RAD23B: variants seen among roughly 807,000 people sequenced by gnomAD.
The protein encoded by RAD23B is lysine-specific demethylase RAD23B.
In RAD23B, 5 loss-of-function variants were observed where a neutral mutation model predicts 49.1. The observed-to-expected ratio is 0.10, with a 90% CI of 0.05 to 0.21. RAD23B has a LOEUF of 0.21. Among genes scored for constraint, RAD23B ranks in the 10% least tolerant of loss-of-function variants. The pLI is 1.00. For missense variants in RAD23B, 356 were observed against 486.7 expected (o/e 0.73, Z 2.53); for synonymous variants, 184 against 165.4 (o/e 1.11, Z -0.86).
At chr9:107,284,058 G>C (rs897011141) in intron 1 of RAD23B, 1 of 1,023,472 alleles carries the variant, frequency 9.8e-7, no homozygotes, top group African/African-American at 1.7e-5. Flanking sequence ...GCACAGGTGG[G>C]GGAGGGAGAC....
intron 1 of RAD23B, among the ~76,000 whole-genome samples, chr9:107,299,038 T>C (rs1443524530): frequency 6.6e-6 from 1 of 152,086 alleles, no homozygotes; most frequent in Admixed American, 6.6e-5. Flanking sequence ...TCATAAGGGG[T>C]GGTAACCTCT....
At chr9:107,294,290 T>A (rs560912543) in intron 1 of RAD23B, among the ~76,000 whole-genome samples, 4 of 152,356 alleles carry the variant, frequency 2.6e-5, no homozygotes, top group Non-Finnish European at 4.4e-5. Flanking sequence ...ATGTTTGATT[T>A]CTTGAATGTT....
intron 7 of RAD23B, 145 bp from the exon 8 acceptor site, chr9:107,323,745 T>G (rs1446187896): frequency 1.2e-6 from 1 of 816,834 alleles, no homozygotes; most frequent in East Asian, 2.7e-5. Flanking sequence ...GTTGGAAGAT[T>G]TCATCATTAT....
At chr9:107,310,297 G>A (rs1826866694) in intron 4 of RAD23B, among the ~76,000 whole-genome samples, 1 of 151,984 alleles carries the variant, frequency 6.6e-6, no homozygotes, top group African/African-American at 2.4e-5. Flanking sequence ...CAAAAGAATA[G>A]TCTTCACTGT....
At chr9:107,298,763 G>A (rs1826587397) in intron 1 of RAD23B, among the ~76,000 whole-genome samples, 1 of 151,128 alleles carries the variant, frequency 6.6e-6, no homozygotes, top group Admixed American at 6.6e-5. Flanking sequence ...ATAACTATCT[G>A]CCAAAACAAC....
chr9:107,289,474 G>A (rs1218282879), intron 1 of RAD23B, among the ~76,000 whole-genome samples: 1 of 152,048 alleles, frequency 6.6e-6, no homozygotes, highest in Admixed American at 6.6e-5. Flanking sequence ...GCATGAGCCA[G>A]CACACCTAGC....
chr9:107,314,546 T>TAC (rs764496878), intron 5 of RAD23B, among the ~76,000 whole-genome samples: 63 of 152,262 alleles, frequency 4.1e-4, no homozygotes, highest in Middle Eastern at 3.4e-3. Context: ...TGAGTATTAT[T>TAC]ACACACACAC....
At chr9:107,310,447 G>T (rs1338128543) in intron 4 of RAD23B, among the ~76,000 whole-genome samples, 1 of 152,108 alleles carries the variant, frequency 6.6e-6, no homozygotes, top group Non-Finnish European at 1.5e-5. Flanking sequence ...CTTTTAAATG[G>T]AATACTGTGC....
chr9:107,303,073 A>G (rs1333900627), intron 3 of RAD23B, among the ~76,000 whole-genome samples: 1 of 152,196 alleles, frequency 6.6e-6, no homozygotes, highest in Non-Finnish European at 1.5e-5. Flanking sequence ...TTAAGAGACT[A>G]TTTATATACT....
At chr9:107,308,956 T>G (rs1458153927) in intron 4 of RAD23B, among the ~76,000 whole-genome samples, 1 of 152,256 alleles carries the variant, frequency 6.6e-6, no homozygotes, top group East Asian at 1.9e-4. Context: ...ATTTGTTTCT[T>G]TAGGTCAATT....
Position 107,321,875 on chromosome 9 carries a change from T to C in RAD23B, c.682-108T>C, listed in dbSNP as rs183605318. On this transcript the variant is annotated intron_variant, in intron 6 of 9. Transcript: ENST00000358015. ...TTAATTGAAGCAGACATCTGTTTGA[T>C]GCTTTTGAAAATCAAACAAGATGTT... is the stretch of plus-strand genomic sequence containing the variant. 133 of 1,184,876 alleles carry C rather than the reference T, an allele frequency of 1.1e-4. 1 individual carries two copies. Among genetic ancestry groups the C allele is most frequent in the Non-Finnish European group, 6.4e-5 (57 of 886,748 alleles). 73.4% of individuals were successfully genotyped at this position (1,184,876 alleles called of 1,614,324 possible).
chr9:107,293,466 A>G (rs1255837680), intron 1 of RAD23B, among the ~76,000 whole-genome samples: 3 of 152,212 alleles, frequency 2.0e-5, no homozygotes, highest in South Asian at 2.1e-4. Context: ...CATAGCCTGC[A>G]TTAGCTTTTA....
rs187746386 is a variant in RAD23B, at chr9:107,332,112, G to T, written c.*2456G>T. The T allele has an allele frequency of 9.6e-4, 203 of 210,902 alleles. 2 individuals are homozygous for T. The highest frequency in any genetic ancestry group is 4.4e-3 in the African/African-American group (194 of 43,934). 13.1% of individuals were successfully genotyped at this position (210,902 alleles called of 1,614,324 possible). ...TTTTTTTTCATTGTTTAAAAATACG[G>T]AAGTGTTCCAATATAATTTTTTCCT... On this transcript the variant is annotated 3_prime_UTR_variant, in exon 10 of 10. Transcript: ENST00000358015.
intron 5 of RAD23B, among the ~76,000 whole-genome samples, chr9:107,316,989 A>G (rs1827010839): frequency 6.6e-6 from 1 of 152,160 alleles, no homozygotes; most frequent in East Asian, 1.9e-4. Context: ...GGGGCAGGAA[A>G]AGGTGTGGCC....
At chr9:107,320,792 G>T (rs1827094710) in intron 6 of RAD23B, among the ~76,000 whole-genome samples, 3 of 152,188 alleles carry the variant, frequency 2.0e-5, no homozygotes, top group Admixed American at 2.0e-4. Flanking sequence ...TTAAATAACT[G>T]CCCATCTGAG....
chr9:107,283,901 C>T (rs1214854904), intron 1 of RAD23B, among the ~76,000 whole-genome samples: 2 of 152,264 alleles, frequency 1.3e-5, no homozygotes, highest in African/African-American at 4.8e-5. Context: ...AATGGGGAAG[C>T]AGTGGCCGGA....
chr9:107,307,791 C>G (rs1826808791), intron 4 of RAD23B, among the ~76,000 whole-genome samples: 1 of 152,140 alleles, frequency 6.6e-6, no homozygotes, highest in African/African-American at 2.4e-5. Context: ...ATAATTGATT[C>G]CCTAAGAAGA....
chr9:107,321,831 G>A (rs1277578802), intron 6 of RAD23B, 152 bp from the exon 7 acceptor site: 1 of 905,734 alleles, frequency 1.1e-6, no homozygotes, highest in Non-Finnish European at 1.6e-6. Context: ...AATCCATGCA[G>A]CTTAATAATC....
chr9:107,311,641 T>A (rs561535881), intron 4 of RAD23B, 41 bp from the exon 5 acceptor site: 2 of 1,419,566 alleles, frequency 1.4e-6, no homozygotes, highest in South Asian at 2.6e-5. Context: ...TTAAATTTTA[T>A]ATACTTTTTA....
Sources: allele counts gnomAD v4.1 joint callset (sites outside exome capture counted in the v4.1 genomes callset), GRCh38; gene constraint gnomAD v4.1.1; transcripts MANE v1.5; gene names NCBI Gene and HGNC (gene_info 2026-07-23, HGNC 2026-07-21).